The following INSR variants were observed in gnomAD, a reference collection of about 807,000 sequenced individuals.
INSR encodes IR.
Under a neutral mutation model 142.6 loss-of-function variants are expected in INSR, and 67 were observed. The ratio of observed to expected loss-of-function variants is 0.47; its 90% CI spans 0.39 to 0.58. The LOEUF (loss-of-function observed/expected upper bound fraction) is 0.58, where lower values mean the gene tolerates loss of function less well. Ranked by LOEUF, INSR falls within the 20% of genes least tolerant of loss-of-function variation. The pLI is 0.00. For missense variants in INSR, 1,248 were observed against 1,833.2 expected (o/e 0.68, Z 5.83); for synonymous variants, 756 against 743.1 (o/e 1.02, Z -0.28).
chr19:7,288,052 G>C (rs1371225497), intron 1 of INSR, among the ~76,000 whole-genome samples: 1 of 152,188 alleles, frequency 6.6e-6, no homozygotes. Context: ...AGATGAAGAA[G>C]TCGGAATCTA....
chr19:7,150,615 T>G lies in INSR; in HGVS notation c.2232-83A>C. 7.4e-7 allele frequency: 1 copy of G among 1,349,442 alleles called. No individual in the cohort carries two copies. The highest frequency in any genetic ancestry group is 2.3e-5 in the East Asian group (1 of 43,570). The allele number at this position is 1,349,442 out of a possible 1,614,324, so 83.6% of individuals were successfully genotyped here. A position where few individuals can be genotyped will look rare whatever the true frequency, so the allele number is the denominator to read the frequency against. ...TGGGCTCTGACACTTGGAGGCCACA[T>G]GTGTCCGAGTAAGGGCACCCTGGCT... On this transcript the variant is annotated intron_variant, in intron 10 of 21. Transcript: ENST00000302850. This position sits in a 1 kb window ranked among gnomAD's most constrained non-coding sequence, Gnocchi z 4.2.
intron 12 of INSR, 31 bp downstream of exon 12, chr19:7,142,785 T>C (rs1016384710): frequency 6.2e-7 from 1 of 1,612,794 alleles, no homozygotes; most frequent in Non-Finnish European, 8.5e-7. Context: ...GTCCCACCCA[T>C]GACACTCGGA....
intron 2 of INSR, among the ~76,000 whole-genome samples, chr19:7,189,323 T>C (rs1208951400): frequency 6.6e-6 from 1 of 152,166 alleles, no homozygotes; most frequent in East Asian, 1.9e-4. Context: ...GGAAGAAAAA[T>C]TATCCAACCA....
In INSR at chr19:7,124,540, GGAAAAAAAAAAAAAAAAAAA is replaced by G. The variant is rs2043222662; in HGVS notation, c.3258+723_3258+742del. 2.7e-3 allele frequency among the ~76,000 whole-genome samples: 29 copies of G among 10,806 alleles called. 5 individuals carry two copies. Among genetic ancestry groups the G allele is most frequent in the African/African-American group, 5.4e-3 (14 of 2,586 alleles). 7.1% of individuals were successfully genotyped at this position (10,806 alleles called of 152,430 possible). A position where few individuals can be genotyped will look rare whatever the true frequency, so the allele number is the denominator to read the frequency against. On this transcript the variant is annotated intron_variant, in intron 17 of 21. Coordinates refer to ENST00000302850, the MANE Select transcript of INSR (RefSeq NM_000208.4). ...CACAACAAAGCGAGACTCCGTTTCAGGAAAAAAAAAAAAAAAAAAAAAAAAAAAAAAAAAAAAAAAAAAAA... is the reference window on the plus strand; with the variant it reads ...CACAACAAAGCGAGACTCCGTTTCAGAAAAAAAAAAAAAAAAAAAAAAAAA...
At chr19:7,142,427 G>A (rs1973093671) in intron 12 of INSR, among the ~76,000 whole-genome samples, 1 of 140,144 alleles carries the variant, frequency 7.1e-6, no homozygotes, top group Non-Finnish European at 1.5e-5. Context: ...CAGGTTCGGT[G>A]CTCATGCCTG....
chr19:7,114,692 C>T lies in INSR; in HGVS notation c.*2364G>A, dbSNP rs1305554129. 2.0e-5 allele frequency: 3 copies of T among 152,508 alleles called. No homozygotes were observed. The highest frequency in any genetic ancestry group is 2.1e-4 in the South Asian group (1 of 4,824). 9.4% of individuals were successfully genotyped at this position (152,508 alleles called of 1,614,324 possible). A position where few individuals can be genotyped will look rare whatever the true frequency, so the allele number is the denominator to read the frequency against. ...GTGCTGAAAAAAGAAAATCACTATC[C>T]CCCATTCACCTGTTTATTTTTCTTT... On this transcript the variant is annotated 3_prime_UTR_variant, in exon 22 of 22. Transcript: ENST00000302850.
intron 6 of INSR, among the ~76,000 whole-genome samples, chr19:7,169,802 T>C (rs1468505551): frequency 1.3e-5 from 2 of 152,194 alleles, no homozygotes; most frequent in Non-Finnish European, 2.9e-5. Flanking sequence ...ATTCATTCAG[T>C]GCTTGTATGA....
At position 7,249,004 on chromosome 19, in the gene INSR, C is replaced by A. The variant is rs528237689; in HGVS notation, c.652+18341G>T. On this transcript the variant is annotated intron_variant, in intron 2 of 21. Transcript: ENST00000302850. The stretch of plus-strand genomic sequence containing the variant: ...GAACTCCCCACCTCAGATGATCCGC[C>A]CACCTCGGCCTCCCAAAATGCTGGG... Among the ~76,000 whole-genome samples the A allele has an allele frequency of 2.0e-5, 3 of 152,162 alleles. No homozygotes were observed. In the East Asian group the frequency reaches 5.8e-4, roughly 29 times the overall value.
intron 5 of INSR, among the ~76,000 whole-genome samples, chr19:7,171,536 T>C (rs1974015133): frequency 6.6e-6 from 1 of 151,928 alleles, no homozygotes; most frequent in Non-Finnish European, 1.5e-5. Flanking sequence ...GCTAATAGAG[T>C]TTCTAGGACC....
chr19:7,270,373 ACACACACT>A (rs1276880709), intron 1 of INSR, among the ~76,000 whole-genome samples: 1 of 151,134 alleles, frequency 6.6e-6, no homozygotes, highest in African/African-American at 2.4e-5. Context: ...ACACACACAC[ACACACACT>A]GCAGGTAGAA....
intron 2 of INSR, among the ~76,000 whole-genome samples, chr19:7,191,296 AG>A (rs1446348158): frequency 1.8e-5 from 2 of 112,284 alleles, no homozygotes; most frequent in Non-Finnish European, 3.9e-5. Flanking sequence ...TCAAAAAGAA[AG>A]AAAAGAAAAG....
chr19:7,241,010 G>C (rs537954655), intron 2 of INSR, among the ~76,000 whole-genome samples: 6 of 152,204 alleles, frequency 3.9e-5, no homozygotes, highest in Admixed American at 1.3e-4. Context: ...TGTGTACAAG[G>C]TTATGTGTCA....
intron 13 of INSR, among the ~76,000 whole-genome samples, chr19:7,136,598 C>G (rs11667110): frequency 0.26 from 38,718 of 151,746 alleles, 5,315 homozygotes; most frequent in Non-Finnish European, 0.31. Flanking sequence ...CACGAATCCC[C>G]AACAGCCTCT....
chr19:7,226,739 A>AAAAAT (rs1780490027), intron 2 of INSR, among the ~76,000 whole-genome samples: 1 of 151,590 alleles, frequency 6.6e-6, no homozygotes, highest in African/African-American at 2.4e-5. Context: ...AAAAAAAAAA[A>AAAAAT]AAAAATGCCT....
intron 4 of INSR, among the ~76,000 whole-genome samples, chr19:7,174,326 T>C (rs1974086443): frequency 6.6e-6 from 1 of 151,830 alleles, no homozygotes; most frequent in African/African-American, 2.4e-5. Flanking sequence ...TAAATGTAAA[T>C]GCAGATTCCT....
intron 2 of INSR, among the ~76,000 whole-genome samples, chr19:7,213,850 G>A (rs1975352670): frequency 1.3e-5 from 2 of 152,118 alleles, no homozygotes; most frequent in African/African-American, 2.4e-5. Context: ...TTAGCCAGGC[G>A]TGGTGGTGCA....
chr19:7,148,303 G>T (rs971528655), intron 11 of INSR, among the ~76,000 whole-genome samples: 3 of 152,006 alleles, frequency 2.0e-5, no homozygotes, highest in Non-Finnish European at 4.4e-5. Flanking sequence ...CACCCAGGGG[G>T]ATATTTAGCA....
intron 2 of INSR, among the ~76,000 whole-genome samples, chr19:7,214,703 T>G (rs1213235682): frequency 6.6e-6 from 1 of 152,192 alleles, no homozygotes; most frequent in African/African-American, 2.4e-5. Flanking sequence ...TAGAGGAAGA[T>G]ATGATGATGA....
chr19:7,139,190 C>A (rs1973009261), intron 13 of INSR, among the ~76,000 whole-genome samples: 1 of 152,170 alleles, frequency 6.6e-6, no homozygotes, highest in African/African-American at 2.4e-5. Flanking sequence ...GGCCATCCAG[C>A]CCCAGCCAAA....
Sources: allele counts gnomAD v4.1 joint callset (sites outside exome capture counted in the v4.1 genomes callset), GRCh38; gene constraint gnomAD v4.1.1; non-coding constraint Gnocchi (gnomAD v3.1); transcripts MANE v1.5; gene names NCBI Gene and HGNC (gene_info 2026-07-23, HGNC 2026-07-21).